DPH1: variants seen among roughly 807,000 people sequenced by gnomAD.
The protein encoded by DPH1 is 2-(3-amino-3-carboxypropyl)histidine synthase subunit 1.
In DPH1, 59 loss-of-function variants were observed where a neutral mutation model predicts 55.3. The ratio of observed to expected loss-of-function variants is 1.07; its 90% CI spans 0.87 to 1.33. The LOEUF (loss-of-function observed/expected upper bound fraction) is 1.33. Among genes scored for constraint, DPH1 ranks in the 40% most tolerant of loss-of-function variants. The pLI is 0.00. For synonymous variants in DPH1, 238 were observed against 235.5 expected, an observed-to-expected ratio of 1.01 and a Z score of -0.10; for missense variants, 628 against 584.8, an observed-to-expected ratio of 1.07 and a Z score of -0.76.
chr17:2,040,634 A>G (rs2067503820), intron 9 of DPH1, 29 bp downstream of exon 9: 11 of 1,607,120 alleles, frequency 6.8e-6, no homozygotes, highest in Non-Finnish European at 9.4e-6. Context: ...ATGACTGGCT[A>G]AAGAAGCTTA....
chr17:2,033,886 C>T, intron 3 of DPH1, 44 bp downstream of exon 3: 2 of 1,609,896 alleles, frequency 1.2e-6, no homozygotes, highest in African/African-American at 1.3e-5. Flanking sequence ...CAGGCTTCCC[C>T]CACCCCCTAT....
chr17:2,039,941 C>G, intron 7 of DPH1, 118 bp downstream of exon 7: 1 of 1,457,408 alleles, frequency 6.9e-7, no homozygotes, highest in Non-Finnish European at 9.6e-7. Flanking sequence ...CCCTAAGGGT[C>G]TGAGGCACTT....
At chr17:2,030,140 TCTTTTTAGTACCACATGCGCAGG>T in exon 1 of DPH1, 3 of 1,593,558 alleles carry the variant, frequency 1.9e-6, no homozygotes, top group Non-Finnish European at 2.6e-6. Context: ...TCCAGCGCTG[TCTTTTTAGTACCACATGCGCAGG>T]CAGGTGATGG....
Position 2,042,914 on chromosome 17 carries a change from G to A in DPH1, c.*328G>A. The A allele has an allele frequency of 5.6e-6, 9 of 1,614,184 alleles. No individual in the cohort carries two copies. Among genetic ancestry groups the A allele is most frequent in the East Asian group, 2.2e-5 (1 of 44,890 alleles). On this transcript the variant is annotated 3_prime_UTR_variant, in exon 13 of 13. Coordinates refer to ENST00000263083, the MANE Select transcript of DPH1 (RefSeq NM_001383.6). The stretch of plus-strand genomic sequence containing the variant: ...GGGTTCAAGGAATCCATCCTGCAAA[G>A]GCCCTTGTCATTGCCTTCGCTCCAT...
intron 12 of DPH1, 67 bp from the exon 13 acceptor site, chr17:2,042,538 T>A: frequency 6.8e-7 from 1 of 1,479,376 alleles, no homozygotes; most frequent in Admixed American, 2.5e-5. Flanking sequence ...TCCTGCCCTT[T>A]CTCATTTCTT....
At chr17:2,042,147 CG>C (rs978591100) in intron 12 of DPH1, 3 of 1,521,606 alleles carry the variant, frequency 2.0e-6, no homozygotes, top group Non-Finnish European at 2.6e-6. Flanking sequence ...GAAGGCGCTG[CG>C]GGGTCGCGCC....
chr17:2,040,188 C>T, intron 7 of DPH1, 30 bp from the exon 8 acceptor site: 2 of 1,610,350 alleles, frequency 1.2e-6, no homozygotes, highest in Non-Finnish European at 1.7e-6. Context: ...ACAGTGGCTG[C>T]CACAGTGACC....
At chr17:2,035,725 C>T (rs1460107388) in intron 3 of DPH1, among the ~76,000 whole-genome samples, 2 of 152,138 alleles carry the variant, frequency 1.3e-5, no homozygotes, top group Non-Finnish European at 2.9e-5. Context: ...CTCCTGCAGC[C>T]TGAGCCTGGG....
intron 6 of DPH1, 53 bp downstream of exon 6, chr17:2,037,009 G>T (rs1460153278): frequency 6.4e-7 from 1 of 1,562,146 alleles, no homozygotes; most frequent in East Asian, 2.3e-5. Flanking sequence ...TGTACCCTGG[G>T]AGGGAGCCTG....
At position 2,040,543 on chromosome 17, in the gene DPH1, T is replaced by C. The variant is rs748598394; in HGVS notation, c.945T>C (p.Phe315=). Residue 315 remains phenylalanine (F), a synonymous_variant, in exon 9 of 13, where the codon TTT becomes TTC. Transcript: ENST00000263083. ...ESRLRALGLS[F]VRLLLSEIFP... is the part of the protein sequence containing the mutation. ...GACTCCGAGCCTTGGGCCTTTCCTT[T>C]GTGAGGCTGCTGCTCTCTGAGATCT... 1.7e-5 allele frequency: 27 copies of C among 1,614,086 alleles called. No individual in the cohort carries two copies. In the South Asian group the frequency reaches 2.6e-4, roughly 16 times the overall value.
At chr17:2,042,505 T>A in intron 12 of DPH1, 100 bp from the exon 13 acceptor site, 1 of 1,448,618 alleles carries the variant, frequency 6.9e-7, no homozygotes, top group South Asian at 1.6e-5. Flanking sequence ...CGATTCCCTT[T>A]TTCTCTCTGT....
rs756592857 is a variant in DPH1, at chr17:2,036,657, A to G, written c.529A>G (p.Ser177Gly). ...CCCAGCCACTGCCCTTGCCCTGGTC[A>G]GCACCATTCAGTTTGTGTCGACCTT... is the stretch of plus-strand genomic sequence containing the variant. ...FPPATALALV[S>G]TIQFVSTLQA... Residue 177 changes from serine to glycine, a missense_variant, in exon 5 of 13, where the codon AGC (serine) becomes GGC (glycine). Ser to Gly is a moderately conservative substitution (Grantham distance 56). Coordinates refer to ENST00000263083, the MANE Select transcript of DPH1 (RefSeq NM_001383.6). This position sits in a 1 kb window ranked among gnomAD's most constrained non-coding sequence, Gnocchi z 4.8. 3.1e-6 allele frequency: 5 copies of G among 1,613,994 alleles called. No homozygotes were observed. The highest frequency in any genetic ancestry group is 4.2e-6 in the Non-Finnish European group (5 of 1,180,014).
chr17:2,030,208 C>G lies in DPH1; in HGVS notation c.39C>G (p.Gly13=). 1.3e-6 allele frequency: 2 copies of G among 1,594,318 alleles called. No homozygotes were observed. Among genetic ancestry groups the G allele is most frequent in the Non-Finnish European group, 1.7e-6 (2 of 1,171,502 alleles). The change falls in exon 1 of 13, where the codon GGC becomes GGG. Residue 13 remains glycine, a synonymous_variant. Transcript: ENST00000263083. ...ALVVSGAAEQ[G]GRDGPGRGRA... ...TCGTATCCGGGGCAGCGGAGCAGGG[C>G]GGCCGAGACGGCCCTGGCAGAGGTG...
intron 6 of DPH1, among the ~76,000 whole-genome samples, chr17:2,038,611 G>C (rs937430875): frequency 2.0e-5 from 3 of 152,196 alleles, no homozygotes; most frequent in Non-Finnish European, 4.4e-5. Context: ...GAGGGATCTA[G>C]GTTGCATGAT....
chr17:2,035,177 T>C (rs1181039174), intron 3 of DPH1, among the ~76,000 whole-genome samples: 1 of 151,874 alleles, frequency 6.6e-6, no homozygotes, highest in African/African-American at 2.4e-5. Context: ...TGTGAGTCTC[T>C]TTCAAGGAAG....
At chr17:2,041,398 A>G (rs781441687) in intron 10 of DPH1, 83 bp from the exon 11 acceptor site, 7 of 1,542,262 alleles carry the variant, frequency 4.5e-6, no homozygotes, top group Non-Finnish European at 6.1e-6. Context: ...TGCCCTTCAC[A>G]GGCCGTCGTG....
At chr17:2,038,338 C>A (rs2067458024) in intron 6 of DPH1, among the ~76,000 whole-genome samples, 1 of 151,914 alleles carries the variant, frequency 6.6e-6, no homozygotes, top group African/African-American at 2.4e-5. Flanking sequence ...AAATGAAAAT[C>A]CGGTAGCTTT....
intron 12 of DPH1, chr17:2,042,341 C>T (rs2067553579): frequency 2.2e-6 from 3 of 1,356,380 alleles, no homozygotes; most frequent in Non-Finnish European, 2.9e-6. Flanking sequence ...TCCTCCCACC[C>T]AGTCCACACC....
Position 2,043,182 on chromosome 17 carries a change from T to TC in DPH1, c.*598dup. The TC allele has an allele frequency of 6.7e-7, 1 of 1,501,604 alleles. No individual in the cohort carries two copies. Among genetic ancestry groups the TC allele is most frequent in the Non-Finnish European group, 9.0e-7 (1 of 1,109,414 alleles). 93.0% of individuals were successfully genotyped at this position (1,501,604 alleles called of 1,614,324 possible). A position where few individuals can be genotyped will look rare whatever the true frequency, so the allele number is the denominator to read the frequency against. On this transcript the variant is annotated 3_prime_UTR_variant, in exon 13 of 13. Coordinates refer to ENST00000263083, the MANE Select transcript of DPH1 (RefSeq NM_001383.6). ...CGTCATCCATGCCCTCCCAGGACCC[T>TC]CCACTCACTGCTGTGAGTGCGCCTC...
Sources: allele counts gnomAD v4.1 joint callset (sites outside exome capture counted in the v4.1 genomes callset), GRCh38; gene constraint gnomAD v4.1.1; non-coding constraint Gnocchi (gnomAD v3.1); transcripts MANE v1.5; gene names NCBI Gene and HGNC (gene_info 2026-07-23, HGNC 2026-07-21).